PCDH15: variants seen among roughly 807,000 people sequenced by gnomAD.
PCDH15 encodes protocadherin related 15.
A neutral mutation model predicts 178.5 loss-of-function variants in PCDH15; 129 were observed. That is an observed-to-expected ratio of 0.72 (90% confidence interval 0.63 to 0.84). The LOEUF is 0.84. PCDH15 is among the 40% of genes least tolerant of loss of function. The pLI is 0.00. For synonymous variants in PCDH15, 800 were observed against 732.0 expected, an observed-to-expected ratio of 1.09 and a Z score of -1.50; for missense variants, 2,230 against 2,099.9, an observed-to-expected ratio of 1.06 and a Z score of -1.21.
At chr10:54,346,778 A>G (rs1041603818) in intron 5 of PCDH15, among the ~76,000 whole-genome samples, 29 of 152,240 alleles carry the variant, frequency 1.9e-4, no homozygotes, top group Non-Finnish European at 2.9e-5. Context: ...GCTCCTGTGG[A>G]GAAACTGCAT....
chr10:55,605,309 C>T (rs902849853), intron 2 of PCDH15, among the ~76,000 whole-genome samples: 1 of 152,128 alleles, frequency 6.6e-6, no homozygotes, highest in Non-Finnish European at 1.5e-5. Flanking sequence ...TCGAATTCTA[C>T]CAGAGGTGCA....
intron 16 of PCDH15, among the ~76,000 whole-genome samples, chr10:54,082,059 C>T (rs1227192320): frequency 6.6e-6 from 1 of 152,166 alleles, no homozygotes; most frequent in Non-Finnish European, 1.5e-5. Flanking sequence ...CTCACTGGCT[C>T]AGAGTGGCCT....
At chr10:53,854,800 A>G (rs1313186740) in intron 28 of PCDH15, among the ~76,000 whole-genome samples, 1 of 152,068 alleles carries the variant, frequency 6.6e-6, no homozygotes, top group South Asian at 2.1e-4. Flanking sequence ...AAATAATTCT[A>G]TATGTTTTAT....
At chr10:54,816,522 G>A (rs1344427927) in intron 3 of PCDH15, among the ~76,000 whole-genome samples, 1 of 151,980 alleles carries the variant, frequency 6.6e-6, no homozygotes, top group East Asian at 1.9e-4. Flanking sequence ...TTTTCCAAAG[G>A]AAAATGAGAA....
chr10:55,394,425 C>A (rs1463263385), intron 2 of PCDH15, among the ~76,000 whole-genome samples: 1 of 151,772 alleles, frequency 6.6e-6, no homozygotes, highest in Non-Finnish European at 1.5e-5. Context: ...AGTGAGAAGG[C>A]TTTAAAGCAA....
chr10:54,570,895 T>C (rs2089748947), intron 2 of PCDH15, among the ~76,000 whole-genome samples: 1 of 151,454 alleles, frequency 6.6e-6, no homozygotes. Context: ...CTTGAGCTCC[T>C]GGCCTCACGA....
intron 2 of PCDH15, among the ~76,000 whole-genome samples, chr10:54,637,383 AG>A (rs2093881596): frequency 6.6e-6 from 1 of 151,918 alleles, no homozygotes; most frequent in African/African-American, 2.4e-5. Context: ...CCTAAAATCG[AG>A]GTGTGGACAG....
chr10:55,251,712 T>A (rs535977086), intron 1 of PCDH15, among the ~76,000 whole-genome samples: 3 of 152,218 alleles, frequency 2.0e-5, no homozygotes, highest in Non-Finnish European at 2.9e-5. Flanking sequence ...AATTGTTGAA[T>A]TGTTAAAATT....
chr10:55,239,998 C>CA (rs1841496764), intron 1 of PCDH15, among the ~76,000 whole-genome samples: 1 of 152,050 alleles, frequency 6.6e-6, no homozygotes, highest in Non-Finnish European at 1.5e-5. Context: ...CATCACCTCA[C>CA]CCTAGTAAAA....
intron 2 of PCDH15, among the ~76,000 whole-genome samples, chr10:55,507,135 A>T (rs564725492): frequency 3.2e-4 from 48 of 151,618 alleles, no homozygotes; most frequent in African/African-American, 5.1e-4. Context: ...TAATTTTTAT[A>T]AAAAAAATCT....
chr10:54,567,051 T>A (rs1387129030), intron 2 of PCDH15, among the ~76,000 whole-genome samples: 1 of 152,174 alleles, frequency 6.6e-6, no homozygotes, highest in Non-Finnish European at 1.5e-5. Context: ...GTTATCTCAT[T>A]ATTATTTAAA....
At chr10:54,282,066 C>T (rs1170096004) in intron 8 of PCDH15, among the ~76,000 whole-genome samples, 1 of 152,034 alleles carries the variant, frequency 6.6e-6, no homozygotes, top group African/African-American at 2.4e-5. Flanking sequence ...CAGACTGTTG[C>T]TAAGTCCAGG....
At chr10:53,900,378 G>A (rs991335814) in intron 26 of PCDH15, among the ~76,000 whole-genome samples, 3 of 152,064 alleles carry the variant, frequency 2.0e-5, no homozygotes, top group East Asian at 3.9e-4. Flanking sequence ...TGAAGGGGGA[G>A]GGTTCCTTAG....
At position 54,066,981 on chromosome 10, in the gene PCDH15, T is replaced by A. The variant is rs561527514; in HGVS notation, c.2092-96A>T. The A allele has an allele frequency of 7.7e-5, 95 of 1,227,414 alleles. 1 individual carries two copies. In the East Asian group the frequency reaches 1.3e-3, roughly 16 times the overall value. 76.0% of individuals were successfully genotyped at this position (1,227,414 alleles called of 1,614,324 possible). A position where few individuals can be genotyped will look rare whatever the true frequency, so the allele number is the denominator to read the frequency against. On this transcript the variant is annotated intron_variant, in intron 17 of 37. Transcript: ENST00000644397. ...CTGGCATTTGTCTATCTGAAAAGCA[T>A]CTCATTTTTCTTTCTAATCCTTAGC...
chr10:55,535,585 T>A (rs890789117), intron 2 of PCDH15, among the ~76,000 whole-genome samples: 1 of 152,050 alleles, frequency 6.6e-6, no homozygotes, highest in Admixed American at 6.6e-5. Context: ...AGTCAACATT[T>A]CTTCTGGAAA....
At chr10:54,881,060 A>T (rs11593173) in intron 3 of PCDH15, among the ~76,000 whole-genome samples, 34,201 of 151,984 alleles carry the variant, frequency 0.23, 4,538 homozygotes, top group Non-Finnish European at 0.31. Context: ...ATTTAAGCTC[A>T]GCATTGACTT....
intron 2 of PCDH15, among the ~76,000 whole-genome samples, chr10:55,519,732 G>A (rs1841112121): frequency 7.5e-6 from 1 of 133,632 alleles, no homozygotes; most frequent in Admixed American, 7.6e-5. Context: ...TCCATTATGT[G>A]TATCTTTTTT....
At chr10:54,444,531 G>T (rs7476422) in intron 3 of PCDH15, among the ~76,000 whole-genome samples, 108,966 of 151,522 alleles carry the variant, frequency 0.72, 40,414 homozygotes, top group Middle Eastern at 0.82. Context: ...AAATTGCATC[G>T]CACTGTACAC....
intron 2 of PCDH15, among the ~76,000 whole-genome samples, chr10:54,573,905 A>C (rs1358342403): frequency 6.6e-6 from 1 of 152,136 alleles, no homozygotes; most frequent in Non-Finnish European, 1.5e-5. Context: ...GTTTGAGTTC[A>C]TTGTAGATTC....
Sources: gnomAD v4.1 joint callset for allele counts (sites outside exome capture counted in the v4.1 genomes callset) on GRCh38, gnomAD v4.1.1 for gene constraint, MANE v1.5 for transcripts, NCBI Gene and HGNC (gene_info 2026-07-23, HGNC 2026-07-21) for gene names.